The following ZNF679 variants were observed in gnomAD, a reference collection of about 807,000 sequenced individuals.
ZNF679 encodes the protein zinc finger protein 679.
In ZNF679, 10 loss-of-function variants were observed where a neutral mutation model predicts 13.4. The observed-to-expected ratio is 0.75, with a 90% confidence interval of 0.46 to 1.27. The LOEUF (loss-of-function observed/expected upper bound fraction) is 1.27. ZNF679 is among the 50% of genes most tolerant of loss of function. The probability of loss-of-function intolerance (pLI) is 0.00; values close to 1 mark genes in which losing one functional copy is unlikely to be tolerated. For missense variants in ZNF679, 525 were observed against 477.8 expected, an observed-to-expected ratio of 1.10 and a Z score of -0.92; for synonymous variants, 179 against 162.5, an observed-to-expected ratio of 1.10 and a Z score of -0.77.
At chr7:64,229,346 A>G (rs200268862) in intron 1 of ZNF679, among the ~76,000 whole-genome samples, 2 of 152,310 alleles carry the variant, frequency 1.3e-5, no homozygotes, top group East Asian at 3.9e-4. Context: ...CAAGCGTAAC[A>G]GTGAGACAAC....
chr7:64,235,792 A>G (rs1031664571), intron 1 of ZNF679, among the ~76,000 whole-genome samples: 5 of 60,346 alleles, frequency 8.3e-5, no homozygotes, highest in African/African-American at 3.8e-4. Flanking sequence ...CCCGTCAAGA[A>G]AGAAAGAAAG....
intron 2 of ZNF679, among the ~76,000 whole-genome samples, chr7:64,252,741 G>A (rs1443007553): frequency 1.7e-4 from 26 of 152,044 alleles, no homozygotes; most frequent in Non-Finnish European, 2.9e-5. Flanking sequence ...TTTTTGAGAC[G>A]GAGTCTCACT....
At chr7:64,251,492 C>T (rs191558364) in intron 2 of ZNF679, among the ~76,000 whole-genome samples, 8 of 152,110 alleles carry the variant, frequency 5.3e-5, no homozygotes, top group Admixed American at 2.6e-4. Context: ...GAGAGTAATC[C>T]TCTGACACTG....
In ZNF679 at chr7:64,236,979, G is replaced by A. The variant is rs539934447; in HGVS notation, c.-91+8327G>A. On this transcript the variant is annotated intron_variant, in intron 1 of 4. Coordinates refer to ENST00000421025, the MANE Select transcript of ZNF679 (RefSeq NM_153363.3). Reference sequence around the variant, plus strand: ...AAAGAAAGAAAGAAAGAAAGAAAAAGAAAGAAAGAAAGAAAGAAAGAAAAA... The same window carrying A: ...AAAGAAAGAAAGAAAGAAAGAAAAAAAAAGAAAGAAAGAAAGAAAGAAAAA... Among the ~76,000 whole-genome samples, 174 of 64,286 alleles carry A rather than the reference G, an allele frequency of 2.7e-3. 1 individual carries two copies. The highest frequency in any genetic ancestry group is 0.016 in the Middle Eastern group (2 of 124). 42.2% of individuals were successfully genotyped at this position (64,286 alleles called of 152,430 possible).
rs908035870 is a variant in ZNF679 at position 64,228,541 on chromosome 7, A to G, written c.-202A>G. ...GGGCCCAAGCAAATTAGTAAAATAAATTAGGTGCTGTGTGAAAGTATACGC... is the reference window on the plus strand; with the variant it reads ...GGGCCCAAGCAAATTAGTAAAATAAGTTAGGTGCTGTGTGAAAGTATACGC... On this transcript the variant is annotated 5_prime_UTR_variant, in exon 1 of 5. Coordinates refer to ENST00000421025, the MANE Select transcript of ZNF679 (RefSeq NM_153363.3). 6.6e-6 allele frequency: 1 copy of G among 152,250 alleles called. No homozygotes were observed. The highest frequency in any genetic ancestry group is 2.4e-5 in the African/African-American group (1 of 41,448). 9.4% of individuals were successfully genotyped at this position (152,250 alleles called of 1,614,324 possible).
At chr7:64,245,574 G>T (rs559157454) in intron 1 of ZNF679, among the ~76,000 whole-genome samples, 1 of 152,256 alleles carries the variant, frequency 6.6e-6, no homozygotes, top group East Asian at 1.9e-4. Context: ...CTTGTTGGTT[G>T]TGAAAGAATC....
intron 4 of ZNF679, among the ~76,000 whole-genome samples, chr7:64,263,630 A>G (rs2115614990): frequency 6.6e-6 from 1 of 152,188 alleles, no homozygotes; most frequent in East Asian, 1.9e-4. Context: ...TCCCTCTATT[A>G]ATTCACATGA....
intron 1 of ZNF679, among the ~76,000 whole-genome samples, chr7:64,245,072 C>A (rs939500787): frequency 1.3e-5 from 2 of 152,192 alleles, no homozygotes; most frequent in African/African-American, 4.8e-5. Context: ...GTCTCCCAGG[C>A]TGGAGTGCAG....
At chr7:64,260,192 G>A in intron 2 of ZNF679, 29 bp from the exon 3 acceptor site, 1 of 1,579,918 alleles carries the variant, frequency 6.3e-7, no homozygotes, top group South Asian at 1.2e-5. Flanking sequence ...GTTCATGAGT[G>A]TTTTTTTGTT....
chr7:64,232,296 T>G (rs1787650452), intron 1 of ZNF679, among the ~76,000 whole-genome samples: 2 of 152,226 alleles, frequency 1.3e-5, no homozygotes, highest in Non-Finnish European at 2.9e-5. Context: ...ACTGGCCTGT[T>G]ACAACATCTT....
intron 1 of ZNF679, among the ~76,000 whole-genome samples, chr7:64,248,690 T>A (rs1253798814): frequency 1.3e-5 from 2 of 152,152 alleles, no homozygotes; most frequent in Non-Finnish European, 2.9e-5. Flanking sequence ...AAAATAATTG[T>A]CATTATGTTT....
At chr7:64,259,445 A>G (rs1297818168) in intron 2 of ZNF679, among the ~76,000 whole-genome samples, 10 of 152,202 alleles carry the variant, frequency 6.6e-5, no homozygotes, top group Non-Finnish European at 1.5e-4. Context: ...AGTTCCATGC[A>G]GAACAGGATT....
chr7:64,239,870 CTG>C (rs985295393), intron 1 of ZNF679, among the ~76,000 whole-genome samples: 3 of 152,180 alleles, frequency 2.0e-5, no homozygotes, highest in African/African-American at 7.2e-5. Context: ...TTGCCTGGAA[CTG>C]TTTTACAGTT....
At chr7:64,265,753 A>G (rs1788134991) in intron 4 of ZNF679, 143 bp from the exon 5 acceptor site, 6 of 890,880 alleles carry the variant, frequency 6.7e-6, no homozygotes, top group Non-Finnish European at 1.0e-5. Flanking sequence ...TTACATTTAT[A>G]CACCTATGAA....
At chr7:64,252,571 T>G (rs1787956400) in intron 2 of ZNF679, among the ~76,000 whole-genome samples, 1 of 152,212 alleles carries the variant, frequency 6.6e-6, no homozygotes, top group Non-Finnish European at 1.5e-5. Flanking sequence ...AAATGTCTCT[T>G]CCATTATGGC....
At chr7:64,233,852 G>A (rs1304896487) in intron 1 of ZNF679, among the ~76,000 whole-genome samples, 3 of 152,148 alleles carry the variant, frequency 2.0e-5, no homozygotes, top group South Asian at 2.1e-4. Flanking sequence ...AATGGAATCC[G>A]TGTACATAAG....
chr7:64,254,955 A>T (rs951360778), intron 2 of ZNF679, among the ~76,000 whole-genome samples: 3 of 140,140 alleles, frequency 2.1e-5, no homozygotes, highest in African/African-American at 7.7e-5. Flanking sequence ...AGCTGAGATC[A>T]TGCCACTGCA....
chr7:64,243,162 G>A (rs1402187211), intron 1 of ZNF679, among the ~76,000 whole-genome samples: 1 of 152,170 alleles, frequency 6.6e-6, no homozygotes, highest in Non-Finnish European at 1.5e-5. Context: ...CTTTGCACAT[G>A]TAGAAGGCCC....
intron 1 of ZNF679, among the ~76,000 whole-genome samples, chr7:64,236,973 GAAA>G (rs57420349): frequency 1.9e-4 from 10 of 53,640 alleles, no homozygotes; most frequent in African/African-American, 3.9e-4. Context: ...AAGAAAGAAA[GAAA>G]AAGAAAGAAA....
Sources: allele counts gnomAD v4.1 joint callset (sites outside exome capture counted in the v4.1 genomes callset), GRCh38; gene constraint gnomAD v4.1.1; transcripts MANE v1.5; gene names NCBI Gene and HGNC (gene_info 2026-07-23, HGNC 2026-07-21).